NKIRAS2: variants seen among roughly 807,000 people sequenced by gnomAD.
The protein encoded by NKIRAS2 is NF-kappa-B inhibitor-interacting Ras-like protein 2.
NKIRAS2 carries 15 observed loss-of-function variants against 20.7 expected under a neutral mutation model. The observed-to-expected ratio is 0.73, with a 90% confidence interval of 0.49 to 1.12. The LOEUF (loss-of-function observed/expected upper bound fraction) is 1.12, where lower values mean the gene tolerates loss of function less well. NKIRAS2 is among the 50% of genes most tolerant of loss of function. NKIRAS2 has a pLI of 0.00. For missense variants in NKIRAS2, 196 were observed against 249.6 expected (o/e 0.79, Z 1.45); for synonymous variants, 116 against 101.4 (o/e 1.14, Z -0.87).
chr17:42,021,654 A>G lies in NKIRAS2; in HGVS notation c.77A>G (p.Tyr26Cys), dbSNP rs969132838. 3.7e-6 allele frequency: 6 copies of G among 1,613,998 alleles called. No homozygotes were observed. Among genetic ancestry groups the G allele is most frequent in the Non-Finnish European group, 5.1e-6 (6 of 1,179,974 alleles). The change falls in exon 2 of 4, where the codon TAT becomes TGT. Residue 26 changes from tyrosine to cysteine, a missense_variant. Tyr to Cys is a radical substitution (Grantham distance 194). Coordinates refer to ENST00000393885, the MANE Select transcript of NKIRAS2 (RefSeq NM_017595.6). ...ACTTCAATCCTGGAGCAGCTTCTGT[A>G]TGGGAACCATGTAGTGGGTGAGTGT... ...GKTSILEQLL[Y>C]GNHVVGSEMI... is the part of the protein sequence containing the mutation.
At position 42,025,226 on chromosome 17, in the gene NKIRAS2, T is replaced by C. The variant is rs1376374692; in HGVS notation, c.*1333T>C. On this transcript the variant is annotated 3_prime_UTR_variant, in exon 4 of 4. Coordinates refer to ENST00000393885, the MANE Select transcript of NKIRAS2 (RefSeq NM_017595.6). ...CAGAGCTGGACTTCTATTTATAAGT[T>C]ACCTGTATTTATATTTATATGCCCG... 1 of 152,598 alleles carries C rather than the reference T, an allele frequency of 6.6e-6. No homozygotes were observed. Among genetic ancestry groups the C allele is most frequent in the East Asian group, 1.9e-4 (1 of 5,190 alleles). The allele number at this position is 152,598 out of a possible 1,614,324, so 9.5% of individuals were successfully genotyped here.
upstream of NKIRAS2, chr17:42,018,467 A>G (rs1399960348): frequency 6.6e-6 from 1 of 152,264 alleles, no homozygotes. Flanking sequence ...AGCATGTGCC[A>G]ATGCTCATAC....
Position 42,022,898 on chromosome 17 carries a change from C to T in NKIRAS2, c.336+258C>T, listed in dbSNP as rs2052492315. On this transcript the variant is annotated intron_variant, in intron 3 of 3. Coordinates refer to ENST00000393885, the MANE Select transcript of NKIRAS2 (RefSeq NM_017595.6). Reference sequence around the variant, plus strand: ...CCCCATTTAGTTGTTGAAGGGGTCACTGACCTAATGTATGAAGCCCCCACT... The same window carrying T: ...CCCCATTTAGTTGTTGAAGGGGTCATTGACCTAATGTATGAAGCCCCCACT... 3 of 429,670 alleles carry T rather than the reference C, an allele frequency of 7.0e-6. No individual in the cohort carries two copies. In the East Asian group the frequency reaches 1.2e-4, roughly 17 times the overall value. 26.6% of individuals were successfully genotyped at this position (429,670 alleles called of 1,614,324 possible).
rs1555653605 is a variant in NKIRAS2, at chr17:42,023,785, C to G, written c.468C>G (p.Ser156=). ...AGGTGTCAGTGGCGGACCGGCGCTCCCTCCTGGAGCCCTTTGTCTACTTGG... is the reference window on the plus strand; with the variant it reads ...AGGTGTCAGTGGCGGACCGGCGCTCGCTCCTGGAGCCCTTTGTCTACTTGG... ...LWEVSVADRR[S]LLEPFVYLAS... is the part of the protein sequence containing the mutation. Residue 156 remains serine, a synonymous_variant, in exon 4 of 4, where the codon TCC becomes TCG. Coordinates refer to ENST00000393885, the MANE Select transcript of NKIRAS2 (RefSeq NM_017595.6). The G allele has an allele frequency of 6.2e-7, 1 of 1,614,162 alleles. No homozygotes were observed. Among genetic ancestry groups the G allele is most frequent in the Non-Finnish European group, 8.5e-7 (1 of 1,180,040 alleles).
chr17:42,017,676 G>A (rs2052344792), upstream of NKIRAS2: 2 of 578,496 alleles, frequency 3.5e-6, no homozygotes, highest in African/African-American at 1.9e-5. Flanking sequence ...GGGGTGTACC[G>A]GTGGTAGCCT....
Position 42,024,107 on chromosome 17 carries a change from C to A in NKIRAS2, c.*214C>A. ...CCTTCCTCAGCCCTCCCAGCCTACT[C>A]CCCATCCCAGCTTTTAGAGGATCTG... is the stretch of plus-strand genomic sequence containing the variant. On this transcript the variant is annotated 3_prime_UTR_variant, in exon 4 of 4. Coordinates refer to ENST00000393885, the MANE Select transcript of NKIRAS2 (RefSeq NM_017595.6). 1 of 657,822 alleles carries A rather than the reference C, an allele frequency of 1.5e-6. No homozygotes were observed. Among genetic ancestry groups the A allele is most frequent in the Non-Finnish European group, 2.5e-6 (1 of 404,042 alleles). The allele number at this position is 657,822 out of a possible 1,614,324, so 40.7% of individuals were successfully genotyped here.
chr17:42,022,320 G>T, intron 2 of NKIRAS2, 79 bp from the exon 3 acceptor site: 1 of 1,437,310 alleles, frequency 7.0e-7, no homozygotes, highest in South Asian at 1.4e-5. Context: ...CTCCCCATTT[G>T]GTCAGCCTTA....
upstream of NKIRAS2, among the ~76,000 whole-genome samples, chr17:42,019,101 C>T (rs1447294743): frequency 3.3e-5 from 5 of 152,104 alleles, no homozygotes; most frequent in Non-Finnish European, 5.9e-5. Flanking sequence ...TTCAGGCGCT[C>T]ATCATTTTTT....
In NKIRAS2 at chr17:42,022,512, G is replaced by T; in HGVS notation, c.208G>T (p.Glu70Ter). 6.2e-7 allele frequency: 1 copy of T among 1,614,030 alleles called. No individual in the cohort carries two copies. The highest frequency in any genetic ancestry group is 8.5e-7 in the Non-Finnish European group (1 of 1,179,970). Residue 70 changes from glutamate to a stop codon, truncating the protein, a stop_gained, in exon 3 of 4, where the codon GAA (glutamate) becomes TAA (stop). Transcript: ENST00000393885. LOFTEE classifies it high-confidence loss of function. ...CACCCGGGGGCTCCGAGATGGGGCCGAACTGCCCCGACACTGCTTCTCTTG... is the reference window on the plus strand; with the variant it reads ...CACCCGGGGGCTCCGAGATGGGGCCTAACTGCCCCGACACTGCTTCTCTTG... ...YDTRGLRDGA[E>*]LPRHCFSCTD...
chr17:42,022,443 A>G lies in NKIRAS2; in HGVS notation c.139A>G (p.Ile47Val). The G allele has an allele frequency of 1.9e-6, 3 of 1,607,138 alleles. No homozygotes were observed. Among genetic ancestry groups the G allele is most frequent in the Non-Finnish European group, 1.7e-6 (2 of 1,174,252 alleles). ...GCAGGAGGACATCTACGTGGGCTCC[A>G]TTGAGACAGACCGGGGGGTGCGAGA... is the stretch of plus-strand genomic sequence containing the variant. ...ETQEDIYVGS[I>V]ETDRGVREQV... The change falls in exon 3 of 4, where the codon ATT becomes GTT. Residue 47 changes from isoleucine to valine, a missense_variant. Coordinates refer to ENST00000393885, the MANE Select transcript of NKIRAS2 (RefSeq NM_017595.6).
chr17:42,022,508 G>A lies in NKIRAS2; in HGVS notation c.204G>A (p.Gly68=), dbSNP rs1555653299. 6.2e-7 allele frequency: 1 copy of A among 1,614,080 alleles called. No homozygotes were observed. The highest frequency in any genetic ancestry group is 2.2e-5 in the East Asian group (1 of 44,876). ...RFYDTRGLRD[G]AELPRHCFSC... is the part of the protein sequence containing the mutation. ...ATGACACCCGGGGGCTCCGAGATGG[G>A]GCCGAACTGCCCCGACACTGCTTCT... is the stretch of plus-strand genomic sequence containing the variant. Residue 68 remains glycine (G), a synonymous_variant, in exon 3 of 4, where the codon GGG becomes GGA. Transcript: ENST00000393885.
rs1555653680 is a variant in NKIRAS2 at position 42,023,907 on chromosome 17, C to T, written c.*14C>T. The T allele has an allele frequency of 1.6e-5, 26 of 1,612,832 alleles. No individual in the cohort carries two copies. Among genetic ancestry groups the T allele is most frequent in the Non-Finnish European group, 1.9e-5 (22 of 1,179,214 alleles). ...TTGGATGGCTGAAGAGCTGCCGTTC[C>T]TCTTTCACGATCCCAGCCCCATTTC... On this transcript the variant is annotated 3_prime_UTR_variant, in exon 4 of 4. Transcript: ENST00000393885.
chr17:42,021,422 G>A (rs782346566), intron 1 of NKIRAS2, 142 bp from the exon 2 acceptor site: 6 of 663,262 alleles, frequency 9.0e-6, no homozygotes, highest in Non-Finnish European at 1.6e-5. Context: ...TATACATTCA[G>A]TTTAGAACTC....
At position 42,024,916 on chromosome 17, in the gene NKIRAS2, C is replaced by A. The variant is rs1037218862; in HGVS notation, c.*1023C>A. 3.9e-5 allele frequency: 6 copies of A among 152,630 alleles called. No individual in the cohort carries two copies. The highest frequency in any genetic ancestry group is 1.2e-4 in the African/African-American group (5 of 41,440). 9.5% of individuals were successfully genotyped at this position (152,630 alleles called of 1,614,324 possible). ...CAGCCCACTTTGTGACCCAGCAAGA[C>A]CTTTCCCCTCTCTGGGCATCAGTTT... On this transcript the variant is annotated 3_prime_UTR_variant, in exon 4 of 4. Transcript: ENST00000393885.
chr17:42,024,994 G>T lies in NKIRAS2; in HGVS notation c.*1101G>T, dbSNP rs1273336213. On this transcript the variant is annotated 3_prime_UTR_variant, in exon 4 of 4. Coordinates refer to ENST00000393885, the MANE Select transcript of NKIRAS2 (RefSeq NM_017595.6). ...TAGATGATCTCCTAGATCCTTTCCA[G>T]TTCTCTTGATTTCGTAAAGCCAATG... The T allele has an allele frequency of 6.6e-6, 1 of 152,534 alleles. No homozygotes were observed. The highest frequency in any genetic ancestry group is 6.5e-5 in the Admixed American group (1 of 15,272). 9.4% of individuals were successfully genotyped at this position (152,534 alleles called of 1,614,324 possible).
At chr17:42,017,980 C>G (rs570750355), upstream of NKIRAS2, among the ~76,000 whole-genome samples, 4 of 152,270 alleles carry the variant, frequency 2.6e-5, no homozygotes, top group East Asian at 7.7e-4. Context: ...CACCCTGCGC[C>G]TTTCATCCAC....
At chr17:42,018,881 C>T (rs531076755), upstream of NKIRAS2, among the ~76,000 whole-genome samples, 1 of 152,294 alleles carries the variant, frequency 6.6e-6, no homozygotes, top group Non-Finnish European at 1.5e-5. Context: ...ATCCCCAAGG[C>T]TTACCATATT....
chr17:42,023,950 T>C lies in NKIRAS2; in HGVS notation c.*57T>C, dbSNP rs1272673081. 6.9e-6 allele frequency: 11 copies of C among 1,591,406 alleles called. No individual in the cohort carries two copies. Among genetic ancestry groups the C allele is most frequent in the Middle Eastern group, 1.7e-4 (1 of 5,968 alleles). ...CCCATTTCAGTGTCTGGGGCTCTGG[T>C]AGATGTGTTGAGGGCAAAGTAGAGG... On this transcript the variant is annotated 3_prime_UTR_variant, in exon 4 of 4. Transcript: ENST00000393885.
At chr17:42,018,058 A>G (rs1041557689), upstream of NKIRAS2, among the ~76,000 whole-genome samples, 5 of 152,072 alleles carry the variant, frequency 3.3e-5, no homozygotes, top group African/African-American at 1.2e-4. Flanking sequence ...GGCTCCTTTC[A>G]TGTCAGCCGC....
Sources: gnomAD v4.1 joint callset for allele counts (sites outside exome capture counted in the v4.1 genomes callset) on GRCh38, gnomAD v4.1.1 for gene constraint, MANE v1.5 for transcripts, NCBI Gene and HGNC (gene_info 2026-07-23, HGNC 2026-07-21) for gene names.